The following FHIT variants were observed in gnomAD, a reference collection of about 807,000 sequenced individuals.
FHIT encodes the protein fragile histidine triad diadenosine triphosphatase, also known as bis(5'-adenosyl)-triphosphatase.
Under a neutral mutation model 17.9 loss-of-function variants are expected in FHIT, and 19 were observed. The ratio of observed to expected loss-of-function variants is 1.06; its 90% CI spans 0.74 to 1.56. The LOEUF (loss-of-function observed/expected upper bound fraction) is 1.56, where lower values mean the gene tolerates loss of function less well. Ranked by LOEUF, FHIT falls within the 40% of genes most tolerant of loss-of-function variation. The probability of loss-of-function intolerance (pLI) is 0.00; values close to 1 mark genes in which losing one functional copy is unlikely to be tolerated. For missense variants in FHIT, 248 were observed against 189.2 expected, an observed-to-expected ratio of 1.31 and a Z score of -1.82; for synonymous variants, 81 against 69.7, an observed-to-expected ratio of 1.16 and a Z score of -0.81.
intron 8 of FHIT, among the ~76,000 whole-genome samples, chr3:59,767,546 G>A (rs778574184): frequency 6.6e-6 from 1 of 152,004 alleles, no homozygotes; most frequent in Admixed American, 6.6e-5. Flanking sequence ...AGATGCCCTC[G>A]GTCCAATGTT....
chr3:60,576,658 G>A (rs558866932), intron 4 of FHIT, among the ~76,000 whole-genome samples: 4 of 152,260 alleles, frequency 2.6e-5, no homozygotes, highest in South Asian at 2.1e-4. Context: ...AGAACAGACC[G>A]TGAAAATGTG....
rs1403752107 is a variant in FHIT at position 60,077,729 on chromosome 3, C to CATATATAT, written c.104-63578_104-63577insATATATAT. On this transcript the variant is annotated intron_variant, in intron 5 of 9. Coordinates refer to ENST00000492590, the MANE Select transcript of FHIT (RefSeq NM_002012.4). ...ACACACACACACACACACACACACA[C>CATATATAT]ATATATAGAGGGGGGGGGGAGGATA... is the stretch of plus-strand genomic sequence containing the variant. Among the ~76,000 whole-genome samples, 390 of 67,232 alleles carry CATATATAT rather than the reference C, an allele frequency of 5.8e-3. 3 individuals carry two copies. Among genetic ancestry groups the CATATATAT allele is most frequent in the African/African-American group, 0.018 (364 of 20,430 alleles). 44.1% of individuals were successfully genotyped at this position (67,232 alleles called of 152,430 possible). A position where few individuals can be genotyped will look rare whatever the true frequency, so the allele number is the denominator to read the frequency against.
At chr3:60,706,272 A>G (rs1173543856) in intron 4 of FHIT, among the ~76,000 whole-genome samples, 1 of 152,016 alleles carries the variant, frequency 6.6e-6, no homozygotes, top group African/African-American at 2.4e-5. Context: ...GAGGGATAGC[A>G]TTAGGACTAA....
intron 5 of FHIT, among the ~76,000 whole-genome samples, chr3:60,398,506 G>C (rs891135980): frequency 1.1e-4 from 16 of 152,120 alleles, no homozygotes; most frequent in Non-Finnish European, 1.9e-4. Context: ...ACATTGATTG[G>C]AAATTTAACA....
At chr3:60,695,349 T>C (rs1465231290) in intron 4 of FHIT, among the ~76,000 whole-genome samples, 4 of 152,102 alleles carry the variant, frequency 2.6e-5, no homozygotes, top group African/African-American at 4.8e-5. Context: ...TGAGCCGAGA[T>C]TGTGCCACTG....
At chr3:60,432,878 A>T (rs891254690) in intron 5 of FHIT, among the ~76,000 whole-genome samples, 6 of 151,006 alleles carry the variant, frequency 4.0e-5, no homozygotes, top group African/African-American at 1.5e-4. Context: ...TTTTACTTAT[A>T]AGATTAAAAC....
intron 7 of FHIT, among the ~76,000 whole-genome samples, chr3:59,978,788 G>C (rs564854444): frequency 6.6e-6 from 1 of 151,388 alleles, no homozygotes; most frequent in Admixed American, 6.6e-5. Context: ...AGAAGCTTTC[G>C]ATCTAAGAAA....
At chr3:60,440,536 A>T (rs1026975297) in intron 5 of FHIT, among the ~76,000 whole-genome samples, 2 of 152,138 alleles carry the variant, frequency 1.3e-5, no homozygotes, top group African/African-American at 4.8e-5. Flanking sequence ...TAATTCGCTC[A>T]GCAATCCTAT....
chr3:60,311,218 A>G, intron 5 of FHIT, among the ~76,000 whole-genome samples: 1 of 151,174 alleles, frequency 6.6e-6, no homozygotes, highest in East Asian at 2.0e-4. Flanking sequence ...TTTTAACAGT[A>G]CACCTCCATG....
At chr3:61,196,376 C>A (rs939194445) in intron 2 of FHIT, among the ~76,000 whole-genome samples, 2 of 151,942 alleles carry the variant, frequency 1.3e-5, no homozygotes, top group Admixed American at 1.3e-4. Context: ...TATGGTATTT[C>A]TTTATACACT....
At chr3:60,184,306 T>C (rs1189963614) in intron 5 of FHIT, among the ~76,000 whole-genome samples, 2 of 152,148 alleles carry the variant, frequency 1.3e-5, no homozygotes, top group African/African-American at 4.8e-5. Context: ...TAATATGCTT[T>C]TTCTACTCCA....
intron 8 of FHIT, among the ~76,000 whole-genome samples, chr3:59,904,510 G>C (rs908708269): frequency 2.0e-5 from 3 of 152,302 alleles, no homozygotes; most frequent in East Asian, 3.9e-4. Context: ...CAAGTAGACT[G>C]AAGTCATGAT....
At chr3:60,318,682 T>G (rs1204055908) in intron 5 of FHIT, among the ~76,000 whole-genome samples, 1 of 152,196 alleles carries the variant, frequency 6.6e-6, no homozygotes, top group Non-Finnish European at 1.5e-5. Context: ...ACTTCAATAC[T>G]CATTAATTCA....
chr3:60,557,950 A>C (rs1230668752), intron 4 of FHIT, among the ~76,000 whole-genome samples: 3 of 152,108 alleles, frequency 2.0e-5, no homozygotes, highest in Non-Finnish European at 4.4e-5. Flanking sequence ...CATTGCAAAA[A>C]TGAGGAAGGA....
intron 5 of FHIT, among the ~76,000 whole-genome samples, chr3:60,219,913 T>C (rs1445290553): frequency 6.6e-6 from 1 of 152,190 alleles, no homozygotes; most frequent in East Asian, 1.9e-4. Flanking sequence ...TTACGTGAGT[T>C]GTAAATATTT....
chr3:60,711,668 G>A (rs1254135167), intron 4 of FHIT, among the ~76,000 whole-genome samples: 2 of 152,160 alleles, frequency 1.3e-5, no homozygotes, highest in Non-Finnish European at 1.5e-5. Flanking sequence ...TGGAAGAAAG[G>A]GTGTCAGTGA....
At chr3:60,964,904 G>A (rs1428207722) in intron 3 of FHIT, among the ~76,000 whole-genome samples, 3 of 152,106 alleles carry the variant, frequency 2.0e-5, no homozygotes, top group Non-Finnish European at 1.5e-5. Flanking sequence ...TGACAATTAT[G>A]TGTCTTGGAG....
chr3:60,544,247 C>CT (rs201738275), intron 4 of FHIT, among the ~76,000 whole-genome samples: 93 of 150,182 alleles, frequency 6.2e-4, no homozygotes, highest in Admixed American at 1.7e-3. Context: ...GTTTAAACTT[C>CT]TTTTTTTTTG....
intron 5 of FHIT, among the ~76,000 whole-genome samples, chr3:60,081,170 G>A (rs114204655): frequency 9.2e-5 from 14 of 152,230 alleles, no homozygotes; most frequent in Non-Finnish European, 1.8e-4. Context: ...ACCTGAGGGG[G>A]TTATTTAAAA....
Sources: allele counts gnomAD v4.1 joint callset (sites outside exome capture counted in the v4.1 genomes callset), GRCh38; gene constraint gnomAD v4.1.1; transcripts MANE v1.5; gene names NCBI Gene and HGNC (gene_info 2026-07-23, HGNC 2026-07-21).